SMAD2: variants seen among roughly 807,000 people sequenced by gnomAD.
The protein encoded by SMAD2 is MAD homolog 2.
SMAD2 carries 8 observed loss-of-function variants against 64.4 expected under a neutral mutation model. That is an observed-to-expected ratio of 0.12 (90% confidence interval 0.07 to 0.22). The LOEUF (loss-of-function observed/expected upper bound fraction) is 0.22, where lower values mean the gene tolerates loss of function less well. Among genes scored for constraint, SMAD2 ranks in the 10% least tolerant of loss-of-function variants. SMAD2 has a pLI of 1.00. For synonymous variants in SMAD2, 203 were observed against 195.8 expected, an observed-to-expected ratio of 1.04 and a Z score of -0.31; for missense variants, 289 against 561.2, an observed-to-expected ratio of 0.51 and a Z score of 4.90.
intron 6 of SMAD2, among the ~76,000 whole-genome samples, chr18:47,857,003 G>C (rs911596879): frequency 2.7e-5 from 4 of 150,432 alleles, no homozygotes; most frequent in Non-Finnish European, 4.5e-5. Flanking sequence ...GACTACAGGC[G>C]CCCGCCACTA....
Position 47,828,357 on chromosome 18 carries a change from G to C in SMAD2, c.*13470C>G, listed in dbSNP as rs1273817490. On this transcript the variant is annotated 3_prime_UTR_variant, in exon 11 of 11. Coordinates refer to ENST00000262160, the MANE Select transcript of SMAD2 (RefSeq NM_005901.6). The stretch of plus-strand genomic sequence containing the variant: ...GCATCCACCCCGTCCGGGAGGTGGG[G>C]GGGCGCCTCTGCCCAGCCGCCCCGT... 1 of 157,716 alleles carries C rather than the reference G, an allele frequency of 6.3e-6. No homozygotes were observed. Among genetic ancestry groups the C allele is most frequent in the East Asian group, 1.9e-4 (1 of 5,238 alleles). 9.8% of individuals were successfully genotyped at this position (157,716 alleles called of 1,614,324 possible).
intron 1 of SMAD2, among the ~76,000 whole-genome samples, chr18:47,913,057 T>C (rs2034202627): frequency 6.6e-6 from 1 of 151,982 alleles, no homozygotes; most frequent in Admixed American, 6.6e-5. Flanking sequence ...GTAGCTGGGA[T>C]TACAGGCACG....
At chr18:47,920,315 ATAATT>A (rs1251191236) in intron 1 of SMAD2, 1 of 152,278 alleles carries the variant, frequency 6.6e-6, no homozygotes, top group African/African-American at 2.4e-5. Context: ...AGATGAAATC[ATAATT>A]TAATAATTTT....
chr18:47,842,245 T>C (rs1234309921), intron 10 of SMAD2, among the ~76,000 whole-genome samples: 2 of 152,226 alleles, frequency 1.3e-5, no homozygotes, highest in South Asian at 2.1e-4. Flanking sequence ...GTAGATACTA[T>C]TAATATCAGG....
intron 1 of SMAD2, among the ~76,000 whole-genome samples, chr18:47,913,583 T>C (rs1232707248): frequency 1.3e-5 from 2 of 152,222 alleles, no homozygotes. Flanking sequence ...ATAATACATC[T>C]TCAATTAGTT....
chr18:47,926,337 A>G (rs374585723), intron 1 of SMAD2, among the ~76,000 whole-genome samples: 2 of 152,230 alleles, frequency 1.3e-5, no homozygotes, highest in African/African-American at 4.8e-5. Context: ...GATTTAGGCT[A>G]ATTGATGAAC....
chr18:47,844,500 C>T (rs891403338), intron 10 of SMAD2, among the ~76,000 whole-genome samples: 3 of 152,144 alleles, frequency 2.0e-5, no homozygotes, highest in African/African-American at 7.2e-5. Flanking sequence ...TTTAATTCAT[C>T]AATAATCTAG....
At chr18:47,899,920 G>A (rs1432733771) in intron 1 of SMAD2, among the ~76,000 whole-genome samples, 1 of 152,096 alleles carries the variant, frequency 6.6e-6, no homozygotes, top group African/African-American at 2.4e-5. Context: ...CATAAACAGT[G>A]TAATGCTTCA....
At chr18:47,889,059 C>A in intron 2 of SMAD2, among the ~76,000 whole-genome samples, 1 of 151,452 alleles carries the variant, frequency 6.6e-6, no homozygotes, top group South Asian at 2.1e-4. Context: ...AAAACAGGAT[C>A]AGTAAACTCA....
intron 1 of SMAD2, among the ~76,000 whole-genome samples, chr18:47,902,297 C>A (rs746196147): frequency 6.6e-6 from 1 of 152,108 alleles, no homozygotes; most frequent in African/African-American, 2.4e-5. Flanking sequence ...TGTTCTCTAT[C>A]GCTAAATATA....
chr18:47,843,320 G>A (rs1914156169), intron 10 of SMAD2, among the ~76,000 whole-genome samples: 1 of 152,094 alleles, frequency 6.6e-6, no homozygotes, highest in Admixed American at 6.5e-5. Context: ...TTCCCCAAGG[G>A]TGTCAGTTCT....
At chr18:47,855,764 G>A (rs1035872399) in intron 6 of SMAD2, among the ~76,000 whole-genome samples, 1 of 151,980 alleles carries the variant, frequency 6.6e-6, no homozygotes, top group South Asian at 2.1e-4. Context: ...TGGGACCACA[G>A]GTGTGTACCA....
intron 1 of SMAD2, among the ~76,000 whole-genome samples, chr18:47,916,125 T>C (rs919816609): frequency 1.3e-5 from 2 of 152,222 alleles, no homozygotes; most frequent in African/African-American, 4.8e-5. Flanking sequence ...CCCTAATTAG[T>C]CATGGTATTT....
chr18:47,915,930 T>C (rs923224539), intron 1 of SMAD2, among the ~76,000 whole-genome samples: 2 of 152,244 alleles, frequency 1.3e-5, no homozygotes, highest in East Asian at 3.8e-4. Flanking sequence ...TTTAACACCC[T>C]TTTGAAAGTT....
intron 6 of SMAD2, among the ~76,000 whole-genome samples, chr18:47,858,068 A>C (rs577474046): frequency 6.6e-6 from 1 of 152,192 alleles, no homozygotes; most frequent in Admixed American, 6.5e-5. Context: ...CTTTCCAAAG[A>C]AAGTGTTATC....
intron 6 of SMAD2, among the ~76,000 whole-genome samples, chr18:47,859,145 A>G (rs1248778107): frequency 3.9e-5 from 6 of 152,288 alleles, no homozygotes; most frequent in Middle Eastern, 3.4e-3. Flanking sequence ...TGGAAGATGT[A>G]TAATTCCAAA....
chr18:47,838,305 C>T lies in SMAD2; in HGVS notation c.*3522G>A, dbSNP rs1341738534. ...CTAGGTATTAAACAATTTGTAAAAA[C>T]TTACAAAGAAAATTTAGCTTTCAAG... On this transcript the variant is annotated 3_prime_UTR_variant, in exon 11 of 11. Transcript: ENST00000262160. 1 of 233,136 alleles carries T rather than the reference C, an allele frequency of 4.3e-6. No individual in the cohort carries two copies. Among genetic ancestry groups the T allele is most frequent in the Non-Finnish European group, 8.5e-6 (1 of 117,978 alleles). 14.4% of individuals were successfully genotyped at this position (233,136 alleles called of 1,614,324 possible). A position where few individuals can be genotyped will look rare whatever the true frequency, so the allele number is the denominator to read the frequency against.
intron 6 of SMAD2, among the ~76,000 whole-genome samples, chr18:47,856,095 A>G (rs1026257262): frequency 2.0e-5 from 3 of 152,098 alleles, no homozygotes; most frequent in Admixed American, 6.5e-5. Context: ...ATGCCAAGGA[A>G]ATTAGGTGGA....
chr18:47,832,749 T>C lies in SMAD2; in HGVS notation c.*9078A>G, dbSNP rs1302254103. On this transcript the variant is annotated 3_prime_UTR_variant, in exon 11 of 11. Coordinates refer to ENST00000262160, the MANE Select transcript of SMAD2 (RefSeq NM_005901.6). ...AGCAAATTTCAACTTTGAAGATGTTTTTGTTTACAGCATAGATCTTATGTA... is the reference window on the plus strand; with the variant it reads ...AGCAAATTTCAACTTTGAAGATGTTCTTGTTTACAGCATAGATCTTATGTA... 2.0e-5 allele frequency: 3 copies of C among 152,210 alleles called. No individual in the cohort carries two copies. Among genetic ancestry groups the C allele is most frequent in the African/African-American group, 7.2e-5 (3 of 41,448 alleles). The allele number at this position is 152,210 out of a possible 1,614,324, so 9.4% of individuals were successfully genotyped here.
Sources: gnomAD v4.1 joint callset for allele counts (sites outside exome capture counted in the v4.1 genomes callset) on GRCh38, gnomAD v4.1.1 for gene constraint, MANE v1.5 for transcripts, NCBI Gene and HGNC (gene_info 2026-07-23, HGNC 2026-07-21) for gene names.